SPAG16: variants seen among roughly 807,000 people sequenced by gnomAD.
SPAG16 encodes the protein sperm-associated antigen 16 protein.
SPAG16 carries 86 observed loss-of-function variants against 80.4 expected under a neutral mutation model. That is an observed-to-expected ratio of 1.07 (90% CI 0.90 to 1.28). The LOEUF (loss-of-function observed/expected upper bound fraction) is 1.28. Ranked by LOEUF, SPAG16 falls within the 50% of genes most tolerant of loss-of-function variation. The probability of loss-of-function intolerance (pLI) is 0.00; values close to 1 mark genes in which losing one functional copy is unlikely to be tolerated. For synonymous variants in SPAG16, 294 were observed against 265.9 expected, an observed-to-expected ratio of 1.11 and a Z score of -1.03; for missense variants, 870 against 765.3, an observed-to-expected ratio of 1.14 and a Z score of -1.61.
intron 12 of SPAG16, among the ~76,000 whole-genome samples, chr2:213,981,124 T>G (rs2045726670): frequency 6.6e-6 from 1 of 151,674 alleles, no homozygotes; most frequent in Non-Finnish European, 1.5e-5. Flanking sequence ...TGTAGATGGC[T>G]GCCTTCTCAC....
intron 10 of SPAG16, among the ~76,000 whole-genome samples, chr2:213,717,573 G>C (rs1468715309): frequency 2.6e-5 from 4 of 151,314 alleles, no homozygotes; most frequent in African/African-American, 4.9e-5. Flanking sequence ...TTTTAAACAA[G>C]TTTCCAGATG....
chr2:213,960,087 A>G (rs1043816609), intron 12 of SPAG16, among the ~76,000 whole-genome samples: 6 of 151,692 alleles, frequency 4.0e-5, no homozygotes, highest in Non-Finnish European at 7.4e-5. Flanking sequence ...ATCTTTTTCT[A>G]TTTCAAGTTT....
At chr2:213,461,271 A>G (rs1328209713) in intron 9 of SPAG16, among the ~76,000 whole-genome samples, 1 of 152,224 alleles carries the variant, frequency 6.6e-6, no homozygotes. Context: ...AGGAAGAGGT[A>G]ATATGGCATG....
Position 213,833,498 on chromosome 2 carries a change from TATATATTATATATAA to T in SPAG16, c.1071-28986_1071-28972del, listed in dbSNP as rs1274332214. Among the ~76,000 whole-genome samples the T allele has an allele frequency of 2.5e-3, 12 of 4,824 alleles. 2 individuals carry two copies. The highest frequency in any genetic ancestry group is 5.4e-3 in the African/African-American group (12 of 2,208). 3.2% of individuals were successfully genotyped at this position (4,824 alleles called of 152,430 possible). ...AATAATATATATATTATATATAATA[TATATATTATATATAA>T]TATATATAATATATATATTATATAT... On this transcript the variant is annotated intron_variant, in intron 10 of 15. Coordinates refer to ENST00000331683, the MANE Select transcript of SPAG16 (RefSeq NM_024532.5).
intron 15 of SPAG16, among the ~76,000 whole-genome samples, chr2:214,399,019 TTCTA>T (rs906588806): frequency 1.1e-4 from 16 of 152,302 alleles, no homozygotes; most frequent in Admixed American, 3.3e-4. Flanking sequence ...AAGCTAGTGG[TTCTA>T]TCTTTTATTA....
At chr2:213,533,652 A>C (rs1409158276) in intron 10 of SPAG16, among the ~76,000 whole-genome samples, 1 of 152,146 alleles carries the variant, frequency 6.6e-6, no homozygotes, top group Admixed American at 6.6e-5. Flanking sequence ...TGTATTTTTT[A>C]GGAAGGAACT....
At chr2:213,531,063 TTC>T (rs1291460491) in intron 10 of SPAG16, among the ~76,000 whole-genome samples, 3 of 152,194 alleles carry the variant, frequency 2.0e-5, no homozygotes, top group Non-Finnish European at 2.9e-5. Flanking sequence ...ATTGCTGGTT[TTC>T]ACATACTTGT....
At chr2:213,908,341 G>T (rs2077512997) in intron 11 of SPAG16, among the ~76,000 whole-genome samples, 1 of 152,170 alleles carries the variant, frequency 6.6e-6, no homozygotes, top group East Asian at 1.9e-4. Context: ...AACTCCACCT[G>T]CCCTGTTTGG....
chr2:213,870,940 A>G (rs1468195527), intron 11 of SPAG16, among the ~76,000 whole-genome samples: 2 of 152,174 alleles, frequency 1.3e-5, no homozygotes, highest in Admixed American at 6.5e-5. Flanking sequence ...AGAGAATGAG[A>G]AAATATTTGT....
intron 13 of SPAG16, among the ~76,000 whole-genome samples, chr2:214,025,557 C>T (rs986226009): frequency 6.6e-6 from 1 of 151,406 alleles, no homozygotes; most frequent in Non-Finnish European, 1.5e-5. Context: ...TTTTAGATAC[C>T]GTTGATGAAA....
At chr2:213,561,377 T>C (rs1233382006) in intron 10 of SPAG16, among the ~76,000 whole-genome samples, 1 of 152,224 alleles carries the variant, frequency 6.6e-6, no homozygotes, top group Non-Finnish European at 1.5e-5. Context: ...GTTGGATTTG[T>C]GCATAAAAAT....
At chr2:214,115,251 C>T (rs1017485862) in intron 14 of SPAG16, among the ~76,000 whole-genome samples, 8 of 152,186 alleles carry the variant, frequency 5.3e-5, no homozygotes, top group African/African-American at 1.9e-4. Context: ...GGGACTCCCA[C>T]AGGTCTCTTG....
intron 10 of SPAG16, among the ~76,000 whole-genome samples, chr2:213,581,391 A>T (rs950430340): frequency 9.9e-5 from 15 of 151,694 alleles, no homozygotes; most frequent in African/African-American, 2.7e-4. Flanking sequence ...TAATTTTAAA[A>T]TTTTTTTTGT....
chr2:213,704,690 C>A (rs2065659179), intron 10 of SPAG16, among the ~76,000 whole-genome samples: 1 of 152,134 alleles, frequency 6.6e-6, no homozygotes, highest in African/African-American at 2.4e-5. Flanking sequence ...CAGCGTTGTC[C>A]CTTCCTTTTT....
intron 10 of SPAG16, among the ~76,000 whole-genome samples, chr2:213,779,346 C>T (rs1383631684): frequency 6.6e-6 from 1 of 152,264 alleles, no homozygotes; most frequent in East Asian, 1.9e-4. Context: ...ATGGCTTAAG[C>T]TGCAAATTAG....
chr2:213,698,468 C>T (rs1177860458), intron 10 of SPAG16, among the ~76,000 whole-genome samples: 3 of 152,060 alleles, frequency 2.0e-5, no homozygotes, highest in Non-Finnish European at 4.4e-5. Context: ...CACCATGTTG[C>T]CCAGGATGGT....
intron 10 of SPAG16, among the ~76,000 whole-genome samples, chr2:213,734,651 G>A (rs1261131618): frequency 6.6e-6 from 1 of 152,020 alleles, no homozygotes; most frequent in Non-Finnish European, 1.5e-5. Flanking sequence ...GGGGTTATAT[G>A]CAAATACACC....
At chr2:213,337,647 A>G (rs2064438091) in intron 5 of SPAG16, among the ~76,000 whole-genome samples, 2 of 152,198 alleles carry the variant, frequency 1.3e-5, no homozygotes, top group Admixed American at 1.3e-4. Flanking sequence ...ATCTTGCTGA[A>G]ATAAGACAGG....
intron 9 of SPAG16, among the ~76,000 whole-genome samples, chr2:213,379,118 G>A (rs751161262): frequency 9.2e-5 from 14 of 152,228 alleles, no homozygotes; most frequent in Non-Finnish European, 2.1e-4. Flanking sequence ...TCCTCCCTCT[G>A]GAACTAAGAC....
Sources: allele counts gnomAD v4.1 joint callset (sites outside exome capture counted in the v4.1 genomes callset), GRCh38; gene constraint gnomAD v4.1.1; transcripts MANE v1.5; gene names NCBI Gene and HGNC (gene_info 2026-07-23, HGNC 2026-07-21).